Variants in PCGF6 observed in about 807,000 individuals in gnomAD.
PCGF6 encodes the protein polycomb group RING finger protein 6.
In PCGF6, 24 loss-of-function variants were observed where a neutral mutation model predicts 45.5. That is an observed-to-expected ratio of 0.53 (90% CI 0.38 to 0.74). PCGF6 has a LOEUF of 0.74. PCGF6 is among the 30% of genes least tolerant of loss of function. The pLI is 0.00. For synonymous variants in PCGF6, 152 were observed against 162.1 expected, an observed-to-expected ratio of 0.94 and a Z score of 0.47; for missense variants, 356 against 443.2, an observed-to-expected ratio of 0.80 and a Z score of 1.77.
chr10:103,327,665 CTTTT>C (rs370470160), intron 7 of PCGF6, among the ~76,000 whole-genome samples: 5 of 148,174 alleles, frequency 3.4e-5, no homozygotes, highest in African/African-American at 7.4e-5. Context: ...AAAGGGAATT[CTTTT>C]TTTTTTCTTT....
intron 7 of PCGF6, among the ~76,000 whole-genome samples, chr10:103,331,779 T>C (rs1445373560): frequency 6.6e-6 from 1 of 152,090 alleles, no homozygotes; most frequent in Non-Finnish European, 1.5e-5. Context: ...ATTCCTTCAG[T>C]GTCATTTAAT....
At chr10:103,342,233 C>CTTTTTTTTTTTTTTTTTTTTT (rs200373033) in intron 6 of PCGF6, among the ~76,000 whole-genome samples, 1 of 138,966 alleles carries the variant, frequency 7.2e-6, no homozygotes. Flanking sequence ...TGCACCCGGA[C>CTTTTTTTTTTTTTTTTTTTTT]TTTTTTTTTT....
At chr10:103,318,108 T>C (rs2133564184) in intron 8 of PCGF6, among the ~76,000 whole-genome samples, 1 of 151,162 alleles carries the variant, frequency 6.6e-6, no homozygotes, top group Non-Finnish European at 1.5e-5. Flanking sequence ...GAACACTATG[T>C]GTGCATGTGG....
chr10:103,327,500 A>G (rs1030085285), intron 7 of PCGF6, among the ~76,000 whole-genome samples: 6 of 152,288 alleles, frequency 3.9e-5, no homozygotes, highest in African/African-American at 1.4e-4. Context: ...ATATCTGATC[A>G]AGGGATTATC....
chr10:103,340,220 T>TAC (rs1554865208), intron 6 of PCGF6, among the ~76,000 whole-genome samples: 1 of 143,008 alleles, frequency 7.0e-6, no homozygotes, highest in African/African-American at 2.6e-5. Flanking sequence ...TATATATATA[T>TAC]ATTTTATATA....
At chr10:103,305,097 G>T (rs945000615) in intron 9 of PCGF6, among the ~76,000 whole-genome samples, 1 of 151,834 alleles carries the variant, frequency 6.6e-6, no homozygotes, top group African/African-American at 2.4e-5. Flanking sequence ...CAACTAGCTG[G>T]GACCACACAC....
At chr10:103,331,331 C>T (rs904747134) in intron 7 of PCGF6, among the ~76,000 whole-genome samples, 1 of 152,152 alleles carries the variant, frequency 6.6e-6, no homozygotes, top group Non-Finnish European at 1.5e-5. Flanking sequence ...CAGCTCACTT[C>T]GCCAAGTTCT....
chr10:103,342,614 C>G (rs931622493), intron 6 of PCGF6, among the ~76,000 whole-genome samples: 2 of 152,152 alleles, frequency 1.3e-5, no homozygotes, highest in Non-Finnish European at 2.9e-5. Context: ...CCACCATCCT[C>G]TTTTTAAAAA....
chr10:103,314,161 A>G, intron 9 of PCGF6, 25 bp downstream of exon 9: 2 of 1,462,784 alleles, frequency 1.4e-6, no homozygotes, highest in Non-Finnish European at 1.9e-6. Context: ...CTTATCTGTT[A>G]GACATGGGTA....
intron 8 of PCGF6, among the ~76,000 whole-genome samples, chr10:103,325,142 T>TAAATA (rs202037510): frequency 0.18 from 25,944 of 144,908 alleles, 2,485 homozygotes; most frequent in Non-Finnish European, 0.19. Flanking sequence ...CTCAAAATAA[T>TAAATA]AAATAAAATA....
chr10:103,325,277 G>A (rs924080958), intron 8 of PCGF6, among the ~76,000 whole-genome samples: 32 of 151,910 alleles, frequency 2.1e-4, no homozygotes, highest in African/African-American at 2.7e-4. Flanking sequence ...GTTTTGAGAC[G>A]GAGTCTCGCT....
chr10:103,348,733 T>C lies in PCGF6; in HGVS notation c.540A>G (p.Gln180=), dbSNP rs1392398809. The change falls in exon 3 of 10, where the codon CAA becomes CAG. Residue 180 remains glutamine, a synonymous_variant. Coordinates refer to ENST00000369847, the MANE Select transcript of PCGF6 (RefSeq NM_001011663.2). ...CTTCTTACCTTATGTTATAAAGAGG[T>C]TGTGTCTGATGTACTACTATATTGC... The part of the protein sequence containing the change: ...PKCNIVVHQT[Q]PLYNIRLDRQ... 2.5e-6 allele frequency: 4 copies of C among 1,585,028 alleles called. 1 individual carries two copies. In the South Asian group the frequency reaches 3.4e-5, roughly 13 times the overall value.
intron 1 of PCGF6, 98 bp from the exon 2 acceptor site, chr10:103,349,097 G>C (rs1183080579): frequency 3.0e-6 from 3 of 999,496 alleles, no homozygotes; most frequent in African/African-American, 3.3e-5. Context: ...AGCCCAAGCT[G>C]AGTGCAGTGA....
At chr10:103,327,550 TA>T (rs1482078450) in intron 7 of PCGF6, among the ~76,000 whole-genome samples, 1 of 152,172 alleles carries the variant, frequency 6.6e-6, no homozygotes, top group Non-Finnish European at 1.5e-5. Flanking sequence ...TATGTTGCCA[TA>T]AAAGGACACT....
rs1228690821 is a variant in PCGF6, at chr10:103,337,924, C to T, written c.783-3972G>A. Among the ~76,000 whole-genome samples the T allele has an allele frequency of 5.5e-5, 6 of 110,040 alleles. 1 individual carries two copies. Among genetic ancestry groups the T allele is most frequent in the Admixed American group, 3.8e-4 (4 of 10,632 alleles). 72.2% of individuals were successfully genotyped at this position (110,040 alleles called of 152,430 possible). A position where few individuals can be genotyped will look rare whatever the true frequency, so the allele number is the denominator to read the frequency against. On this transcript the variant is annotated intron_variant, in intron 6 of 9. Coordinates refer to ENST00000369847, the MANE Select transcript of PCGF6 (RefSeq NM_001011663.2). ...CTAAAAATACAAAAAATTAGCCGGG[C>T]GTAGTGGTGGGCGCCTGTAGTCCCA...
Position 103,303,522 on chromosome 10 carries a change from T to C in PCGF6, c.*383A>G, listed in dbSNP as rs41287490. ...AAAGCACACTTCTCTTCCAAAAAGA[T>C]GACTGCCCAACTGATGCCATCCCAG... On this transcript the variant is annotated 3_prime_UTR_variant, in exon 10 of 10. Coordinates refer to ENST00000369847, the MANE Select transcript of PCGF6 (RefSeq NM_001011663.2). 17,693 of 163,350 alleles carry C rather than the reference T, an allele frequency of 0.11. 1,267 individuals are homozygous for C. The highest frequency in any genetic ancestry group is 0.17 in the South Asian group (886 of 5,322). The allele number at this position is 163,350 out of a possible 1,614,324, so 10.1% of individuals were successfully genotyped here. A position where few individuals can be genotyped will look rare whatever the true frequency, so the allele number is the denominator to read the frequency against.
chr10:103,350,588 G>A (rs1269996162), intron 1 of PCGF6, 119 bp downstream of exon 1: 12 of 1,052,726 alleles, frequency 1.1e-5, no homozygotes, highest in African/African-American at 3.4e-5. Flanking sequence ...GGGGAGGTCC[G>A]CTCCAGTGCT....
chr10:103,339,811 ACACACACACACACACAC>A (rs746962405), intron 6 of PCGF6, among the ~76,000 whole-genome samples: 3,153 of 45,000 alleles, frequency 0.07, 249 homozygotes, highest in Admixed American at 0.23. Flanking sequence ...CAAAAAAAAA[ACACACACACACACACAC>A]ACACACACAC....
rs117618769 is a variant in PCGF6, at chr10:103,318,837, G to A, written c.910-4565C>T. Among the ~76,000 whole-genome samples, 259 of 152,296 alleles carry A rather than the reference G, an allele frequency of 1.7e-3. 1 individual carries two copies. Among genetic ancestry groups the A allele is most frequent in the Non-Finnish European group, 3.0e-3 (201 of 68,036 alleles). On this transcript the variant is annotated intron_variant, in intron 8 of 9. Coordinates refer to ENST00000369847, the MANE Select transcript of PCGF6 (RefSeq NM_001011663.2). ...TGCAGTTAGAAAACTTTTCACATTA[G>A]TGTAGGAAACTTTTTGCAGGCCTAG...
Sources: allele counts gnomAD v4.1 joint callset (sites outside exome capture counted in the v4.1 genomes callset), GRCh38; gene constraint gnomAD v4.1.1; transcripts MANE v1.5; gene names NCBI Gene and HGNC (gene_info 2026-07-23, HGNC 2026-07-21).